MPHOSPH9: variants seen among roughly 807,000 people sequenced by gnomAD.
MPHOSPH9 encodes the protein M-phase phosphoprotein 9.
In MPHOSPH9, 88 loss-of-function variants were observed where a neutral mutation model predicts 145.5. The ratio of observed to expected loss-of-function variants is 0.60; its 90% CI spans 0.51 to 0.72. The LOEUF is 0.72. Ranked by LOEUF, MPHOSPH9 falls within the 30% of genes least tolerant of loss-of-function variation. The pLI, the probability that MPHOSPH9 is intolerant of heterozygous loss-of-function variation, is 0.00. For missense variants in MPHOSPH9, 1,238 were observed against 1,386.6 expected (o/e 0.89, Z 1.70); for synonymous variants, 435 against 486.2 (o/e 0.89, Z 1.39).
At chr12:123,223,243 G>C (rs2047289169) in intron 3 of MPHOSPH9, 116 bp from the exon 4 acceptor site, 1 of 553,150 alleles carries the variant, frequency 1.8e-6, no homozygotes, top group Admixed American at 3.9e-5. Context: ...CAAATCCCAA[G>C]AGCCATCAGC....
At chr12:123,209,867 G>C (rs2046628011) in intron 8 of MPHOSPH9, among the ~76,000 whole-genome samples, 189 bp downstream of exon 8, 1 of 150,694 alleles carries the variant, frequency 6.6e-6, no homozygotes. Context: ...CTCCCGAGTA[G>C]CTGGGACTAC....
At position 123,202,336 on chromosome 12, in the gene MPHOSPH9, A is replaced by G; in HGVS notation, c.1782-17T>C. 6.4e-7 allele frequency: 1 copy of G among 1,569,270 alleles called. No individual in the cohort carries two copies. The highest frequency in any genetic ancestry group is 8.6e-7 in the Non-Finnish European group (1 of 1,163,774). On this transcript the variant is annotated splice_polypyrimidine_tract_variant and intron_variant, in intron 10 of 23. Transcript: ENST00000606320. ...TGCCTAATCCTTATTCAGTGAGAAT[A>G]AAAAATATATATTAGGAAAGCTATC...
At chr12:123,218,331 AATC>A (rs2047057210) in intron 6 of MPHOSPH9, 42 bp downstream of exon 6, 2 of 1,609,014 alleles carry the variant, frequency 1.2e-6, no homozygotes, top group Non-Finnish European at 1.7e-6. Context: ...AAACCCACAT[AATC>A]ATCAGTACTG....
chr12:123,192,410 T>C (rs538059117), intron 13 of MPHOSPH9, among the ~76,000 whole-genome samples: 76 of 149,154 alleles, frequency 5.1e-4, no homozygotes, highest in African/African-American at 1.7e-3. Context: ...GTCAAGATCA[T>C]GCCACTGCAC....
intron 10 of MPHOSPH9, 56 bp downstream of exon 10, chr12:123,202,568 A>G (rs971183029): frequency 4.1e-5 from 61 of 1,475,956 alleles, no homozygotes; most frequent in Non-Finnish European, 5.5e-6. Context: ...GATCATTTTC[A>G]ATCAGATATC....
intron 12 of MPHOSPH9, 150 bp downstream of exon 12, chr12:123,198,097 A>AT (rs1482260811): frequency 4.9e-6 from 3 of 613,772 alleles, no homozygotes; most frequent in East Asian, 3.4e-5. Flanking sequence ...AAAAAAAAAA[A>AT]GGGTAAAGTT....
intron 4 of MPHOSPH9, among the ~76,000 whole-genome samples, 182 bp from the exon 5 acceptor site, chr12:123,222,077 G>A (rs566070078): frequency 6.6e-6 from 1 of 152,268 alleles, no homozygotes; most frequent in East Asian, 1.9e-4. Context: ...GCTCACGCCT[G>A]TAATCCCAGC....
intron 16 of MPHOSPH9, among the ~76,000 whole-genome samples, chr12:123,170,089 C>T (rs1186784303): frequency 6.6e-6 from 1 of 151,366 alleles, no homozygotes; most frequent in East Asian, 1.9e-4. Context: ...GTGATTCTCC[C>T]ACCTCAGCCT....
intron 13 of MPHOSPH9, among the ~76,000 whole-genome samples, chr12:123,187,565 GCA>G (rs750906707): frequency 4.6e-5 from 7 of 151,800 alleles, no homozygotes; most frequent in Non-Finnish European, 1.0e-4. Flanking sequence ...TTTTACAAGA[GCA>G]AAAAAACGAG....
At chr12:123,215,244 A>G (rs1475566906) in intron 6 of MPHOSPH9, among the ~76,000 whole-genome samples, 1 of 152,160 alleles carries the variant, frequency 6.6e-6, no homozygotes, top group Admixed American at 6.5e-5. Context: ...TCTGTCTCAA[A>G]AAAAAAGAAG....
intron 2 of MPHOSPH9, among the ~76,000 whole-genome samples, chr12:123,229,386 G>C (rs1470491137): frequency 6.6e-6 from 1 of 152,048 alleles, no homozygotes. Context: ...TCTGTGTTAA[G>C]ACCATTAAAA....
chr12:123,213,308 G>T (rs1207980179), intron 7 of MPHOSPH9, among the ~76,000 whole-genome samples: 1 of 152,026 alleles, frequency 6.6e-6, no homozygotes, highest in Non-Finnish European at 1.5e-5. Context: ...GCTAAGCTAT[G>T]ATGTTTAATA....
At chr12:123,229,081 T>C (rs1475243757) in intron 2 of MPHOSPH9, among the ~76,000 whole-genome samples, 1 of 152,234 alleles carries the variant, frequency 6.6e-6, no homozygotes, top group Non-Finnish European at 1.5e-5. Flanking sequence ...TAAGCTGCCT[T>C]AAATTCCTCC....
chr12:123,190,593 A>C (rs568465628), intron 13 of MPHOSPH9, among the ~76,000 whole-genome samples: 1 of 152,346 alleles, frequency 6.6e-6, no homozygotes, highest in African/African-American at 2.4e-5. Flanking sequence ...CAACATGGCA[A>C]ATCTCAGAAA....
chr12:123,194,959 T>A (rs2045880484), intron 12 of MPHOSPH9, among the ~76,000 whole-genome samples: 2 of 152,104 alleles, frequency 1.3e-5, no homozygotes, highest in African/African-American at 4.8e-5. Context: ...GATGCCTTAA[T>A]AATAGCTAAT....
chr12:123,185,709 G>A (rs1188906206), intron 13 of MPHOSPH9, among the ~76,000 whole-genome samples: 1 of 152,108 alleles, frequency 6.6e-6, no homozygotes, highest in African/African-American at 2.4e-5. Context: ...TATGCCTACT[G>A]TACTCCAGCC....
At chr12:123,241,407 G>A (rs11057205) in intron 1 of MPHOSPH9, among the ~76,000 whole-genome samples, 89,547 of 151,678 alleles carry the variant, frequency 0.59, 30,651 homozygotes, top group Non-Finnish European at 0.75. Context: ...GCGTGATCTC[G>A]GCTCACTACA....
intron 1 of MPHOSPH9, chr12:123,243,787 G>C (rs2047988994): frequency 6.6e-6 from 1 of 152,216 alleles, no homozygotes; most frequent in Non-Finnish European, 1.5e-5. Context: ...TGTCATCTCA[G>C]TATCACTGTA....
intron 16 of MPHOSPH9, among the ~76,000 whole-genome samples, chr12:123,174,705 T>G (rs969840179): frequency 1.3e-5 from 2 of 152,100 alleles, no homozygotes; most frequent in African/African-American, 4.8e-5. Context: ...TCCTAAAACC[T>G]TATTTTTGAG....
Sources: gnomAD v4.1 joint callset for allele counts (sites outside exome capture counted in the v4.1 genomes callset) on GRCh38, gnomAD v4.1.1 for gene constraint, MANE v1.5 for transcripts, NCBI Gene and HGNC (gene_info 2026-07-23, HGNC 2026-07-21) for gene names.